Variants in GADL1 observed in about 807,000 individuals in gnomAD.
The protein encoded by GADL1 is GAD like acidic amino acid decarboxylase 1.
In GADL1, 71 loss-of-function variants were observed where a neutral mutation model predicts 69.5. That is an observed-to-expected ratio of 1.02 (90% CI 0.84 to 1.25). GADL1 has a LOEUF of 1.25. GADL1 is among the 50% of genes most tolerant of loss of function. GADL1 has a pLI of 0.00. For missense variants in GADL1, 737 were observed against 631.8 expected (o/e 1.17, Z -1.79); for synonymous variants, 254 against 214.4 (o/e 1.18, Z -1.62).
intron 1 of GADL1, among the ~76,000 whole-genome samples, chr3:30,867,469 T>TGAGAGA (rs1018789270): frequency 7.0e-6 from 1 of 143,776 alleles, no homozygotes; most frequent in East Asian, 2.2e-4. Context: ...TACATATATA[T>TGAGAGA]GAGAGAGAGT....
intron 11 of GADL1, among the ~76,000 whole-genome samples, chr3:30,808,912 G>A (rs1268963903): frequency 1.3e-5 from 2 of 152,162 alleles, no homozygotes; most frequent in East Asian, 1.9e-4. Context: ...TTGCACTTAT[G>A]TTCACCTCAC....
chr3:30,776,234 TTCA>T (rs1184386381), intron 14 of GADL1, among the ~76,000 whole-genome samples: 3 of 152,252 alleles, frequency 2.0e-5, no homozygotes, highest in African/African-American at 7.2e-5. Flanking sequence ...TATCACATTC[TTCA>T]TTGTTTTTCG....
At chr3:30,733,866 T>C (rs1695503460) in intron 14 of GADL1, among the ~76,000 whole-genome samples, 2 of 152,158 alleles carry the variant, frequency 1.3e-5, no homozygotes, top group African/African-American at 4.8e-5. Flanking sequence ...TCAAGACAAT[T>C]CAGACTTTGA....
intron 1 of GADL1, among the ~76,000 whole-genome samples, chr3:30,893,075 C>A (rs1322986291): frequency 6.6e-6 from 1 of 152,158 alleles, no homozygotes; most frequent in Non-Finnish European, 1.5e-5. Context: ...AGGCTGGTCT[C>A]AAACTCCTGA....
chr3:30,778,173 A>G lies in GADL1; in HGVS notation c.1392+6T>C. The G allele has an allele frequency of 6.6e-7, 1 of 1,518,042 alleles. No homozygotes were observed. The highest frequency in any genetic ancestry group is 9.1e-7 in the Non-Finnish European group (1 of 1,093,636). 94.0% of individuals were successfully genotyped at this position (1,518,042 alleles called of 1,614,324 possible). Reference sequence around the variant, plus strand: ...AAAAGAAAAATACCATTTACTTATTACTTACCAAATTAAGTTTTGCCCAGA... The same window carrying G: ...AAAAGAAAAATACCATTTACTTATTGCTTACCAAATTAAGTTTTGCCCAGA... On this transcript the variant is annotated splice_donor_region_variant and intron_variant, in intron 14 of 14. Transcript: ENST00000282538.
At chr3:30,806,624 C>T (rs1271859507) in intron 11 of GADL1, among the ~76,000 whole-genome samples, 1 of 152,152 alleles carries the variant, frequency 6.6e-6, no homozygotes, top group South Asian at 2.1e-4. Context: ...CCACTACTGT[C>T]CAGTGCTAGA....
chr3:30,781,605 G>A (rs1696666774), intron 13 of GADL1, among the ~76,000 whole-genome samples: 1 of 152,144 alleles, frequency 6.6e-6, no homozygotes. Context: ...GGCAGCACTG[G>A]ATAGCAAAAA....
intron 4 of GADL1, among the ~76,000 whole-genome samples, chr3:30,852,112 A>G (rs1698156595): frequency 6.6e-6 from 1 of 152,138 alleles, no homozygotes; most frequent in Non-Finnish European, 1.5e-5. Flanking sequence ...TAACATCTGG[A>G]AAGGAAAACT....
intron 14 of GADL1, among the ~76,000 whole-genome samples, chr3:30,758,527 C>T (rs1467719198): frequency 6.6e-6 from 1 of 150,526 alleles, no homozygotes; most frequent in African/African-American, 2.5e-5. Flanking sequence ...GTAACTACCT[C>T]ATAGAGGGTG....
chr3:30,874,198 C>T (rs1274378731), intron 1 of GADL1, among the ~76,000 whole-genome samples: 1 of 151,852 alleles, frequency 6.6e-6, no homozygotes, highest in African/African-American at 2.4e-5. Context: ...TCAGCTTCAC[C>T]TCTATATAAA....
Position 30,839,084 on chromosome 3 carries a change from A to C in GADL1, c.816T>G (p.Thr272=). Residue 272 remains threonine (T), a synonymous_variant, in exon 9 of 15, where the codon ACT becomes ACG. Transcript: ENST00000282538. The part of the protein sequence containing the change: ...EGAAPFLVCA[T]SGTTVLGAFD... Reference sequence around the variant, plus strand: ...AAGCTCCCAACACAGTTGTACCAGAAGTGGCACAGACAAGAAACGGTGCTG... The same window carrying C: ...AAGCTCCCAACACAGTTGTACCAGACGTGGCACAGACAAGAAACGGTGCTG... 1 of 1,603,368 alleles carries C rather than the reference A, an allele frequency of 6.2e-7. No individual in the cohort carries two copies. Among genetic ancestry groups the C allele is most frequent in the Non-Finnish European group, 8.5e-7 (1 of 1,175,000 alleles).
rs926030184 is a variant in GADL1, at chr3:30,857,090, T to C, written c.262A>G (p.Met88Val). The part of the protein sequence containing the change: ...EQLKQLLDLE[M>V]RDSGEPPHKL... Reference sequence around the variant, plus strand: ...TGGGGTGGCTCGCCTGAGTCTCTCATCTCCAAATCAAGAAGCTGTTTCAGT... The same window carrying C: ...TGGGGTGGCTCGCCTGAGTCTCTCACCTCCAAATCAAGAAGCTGTTTCAGT... Residue 88 changes from methionine to valine, a missense_variant, in exon 3 of 15, where the codon ATG becomes GTG. By Grantham distance (21) the Met-to-Val change is conservative (BLOSUM62 1). Coordinates refer to ENST00000282538, the MANE Select transcript of GADL1 (RefSeq NM_207359.3). The C allele has an allele frequency of 1.3e-6, 2 of 1,549,898 alleles. No individual in the cohort carries two copies. The highest frequency in any genetic ancestry group is 2.0e-5 in the Admixed American group (1 of 50,948).
rs1399901830 is a variant in GADL1 at position 30,800,802 on chromosome 3, G to GAC, written c.1250+86_1250+87insGT. 3 of 1,007,680 alleles carry GAC rather than the reference G, an allele frequency of 3.0e-6. No individual in the cohort carries two copies. In the South Asian group the frequency reaches 4.2e-5, roughly 14 times the overall value. 62.4% of individuals were successfully genotyped at this position (1,007,680 alleles called of 1,614,324 possible). ...CTTAGGTCTTCCTATTACAGACACA[G>GAC]ATAGACACACACACACACACACACA... On this transcript the variant is annotated intron_variant, in intron 12 of 14. Coordinates refer to ENST00000282538, the MANE Select transcript of GADL1 (RefSeq NM_207359.3).
intron 1 of GADL1, 110 bp downstream of exon 1, chr3:30,894,468 C>T (rs1389189515): frequency 1.2e-6 from 1 of 827,390 alleles, no homozygotes; most frequent in Non-Finnish European, 1.9e-6. Context: ...CCACCCCAGC[C>T]GCTTTACAAA....
At chr3:30,841,277 C>G (rs1697961688) in intron 8 of GADL1, among the ~76,000 whole-genome samples, 1 of 152,190 alleles carries the variant, frequency 6.6e-6, no homozygotes, top group African/African-American at 2.4e-5. Flanking sequence ...CGTACTAACT[C>G]TAACCCCATT....
intron 14 of GADL1, among the ~76,000 whole-genome samples, chr3:30,774,923 G>T (rs376716175): frequency 1.3e-5 from 2 of 152,178 alleles, no homozygotes; most frequent in East Asian, 3.9e-4. Context: ...TGACGGTAAA[G>T]AAAATAAACT....
At chr3:30,755,723 A>G (rs1381116764) in intron 14 of GADL1, among the ~76,000 whole-genome samples, 1 of 133,296 alleles carries the variant, frequency 7.5e-6, no homozygotes, top group Non-Finnish European at 1.7e-5. Context: ...CACATTGGAA[A>G]TGTTCAATAA....
chr3:30,891,671 A>G (rs190279326), intron 1 of GADL1, among the ~76,000 whole-genome samples: 1 of 152,298 alleles, frequency 6.6e-6, no homozygotes, highest in African/African-American at 2.4e-5. Context: ...AATAAAAAGC[A>G]GATCATAATA....
chr3:30,793,311 T>C (rs1281422976), intron 12 of GADL1, among the ~76,000 whole-genome samples: 2 of 152,210 alleles, frequency 1.3e-5, no homozygotes, highest in African/African-American at 2.4e-5. Context: ...CCTCTGCTTA[T>C]GTTTCTAGGG....
Sources: gnomAD v4.1 joint callset for allele counts (sites outside exome capture counted in the v4.1 genomes callset) on GRCh38, gnomAD v4.1.1 for gene constraint, MANE v1.5 for transcripts, NCBI Gene and HGNC (gene_info 2026-07-23, HGNC 2026-07-21) for gene names.